LRMDA: variants seen among roughly 807,000 people sequenced by gnomAD.
LRMDA encodes leucine-rich melanocyte differentiation-associated protein.
LRMDA carries 18 observed loss-of-function variants against 29.8 expected under a neutral mutation model. The ratio of observed to expected loss-of-function variants is 0.60; its 90% CI spans 0.42 to 0.90. LRMDA has a LOEUF of 0.90. Ranked by LOEUF, LRMDA falls within the 40% of genes least tolerant of loss-of-function variation. The pLI, the probability that LRMDA is intolerant of heterozygous loss-of-function variation, is 0.00. For synonymous variants in LRMDA, 125 were observed against 109.4 expected, an observed-to-expected ratio of 1.14 and a Z score of -0.89; for missense variants, 273 against 273.9, an observed-to-expected ratio of 1.00 and a Z score of 0.02.
chr10:76,455,437 C>T (rs1003625780), intron 6 of LRMDA, among the ~76,000 whole-genome samples: 6 of 152,242 alleles, frequency 3.9e-5, no homozygotes, highest in South Asian at 2.1e-4. Context: ...CGATGCTAAT[C>T]CCTGATGGGA....
intron 5 of LRMDA, among the ~76,000 whole-genome samples, chr10:76,169,164 C>A (rs1429889738): frequency 2.0e-5 from 3 of 152,166 alleles, no homozygotes; most frequent in African/African-American, 7.2e-5. Context: ...GCAGGCACAG[C>A]AATTAGATTG....
At chr10:76,546,087 C>G (rs1464940452) in intron 6 of LRMDA, among the ~76,000 whole-genome samples, 1 of 152,190 alleles carries the variant, frequency 6.6e-6, no homozygotes, top group East Asian at 1.9e-4. Flanking sequence ...CCATACATTT[C>G]TACCTATAAC....
intron 5 of LRMDA, among the ~76,000 whole-genome samples, chr10:76,233,515 C>T (rs11816899): frequency 0.013 from 2,046 of 152,230 alleles, 49 homozygotes; most frequent in African/African-American, 0.047. Flanking sequence ...GATTGACTCA[C>T]GAAAGATTTC....
intron 2 of LRMDA, among the ~76,000 whole-genome samples, chr10:75,860,023 T>G (rs1025463538): frequency 3.3e-5 from 5 of 152,236 alleles, no homozygotes; most frequent in African/African-American, 1.2e-4. Flanking sequence ...TTTGAAATAC[T>G]GTTTTTGTTA....
At chr10:75,661,223 C>T (rs1336672462) in intron 2 of LRMDA, among the ~76,000 whole-genome samples, 2 of 152,166 alleles carry the variant, frequency 1.3e-5, no homozygotes, top group Non-Finnish European at 2.9e-5. Context: ...CTTTACTCTG[C>T]TGAAACCCAG....
chr10:76,447,661 G>A (rs1433976094), intron 6 of LRMDA, among the ~76,000 whole-genome samples: 1 of 152,108 alleles, frequency 6.6e-6, no homozygotes, highest in Non-Finnish European at 1.5e-5. Context: ...GACTTGCTCT[G>A]TTCATTCCTG....
At chr10:75,896,925 AT>A in intron 2 of LRMDA, among the ~76,000 whole-genome samples, 1 of 151,154 alleles carries the variant, frequency 6.6e-6, no homozygotes, top group Non-Finnish European at 1.5e-5. Flanking sequence ...GCTTTGTTTC[AT>A]TTTTTTGGTT....
chr10:75,926,918 C>G (rs1212935348), intron 2 of LRMDA, among the ~76,000 whole-genome samples: 1 of 152,200 alleles, frequency 6.6e-6, no homozygotes, highest in Non-Finnish European at 1.5e-5. Flanking sequence ...AAGGCGCACA[C>G]TTGTCACGGA....
intron 2 of LRMDA, among the ~76,000 whole-genome samples, chr10:75,836,389 T>C (rs1844437182): frequency 6.6e-6 from 1 of 152,220 alleles, no homozygotes; most frequent in African/African-American, 2.4e-5. Flanking sequence ...ATTTAAGCAC[T>C]GAGTCTAGGA....
chr10:76,403,950 T>A (rs1841875985), intron 6 of LRMDA, among the ~76,000 whole-genome samples: 1 of 152,128 alleles, frequency 6.6e-6, no homozygotes, highest in South Asian at 2.1e-4. Flanking sequence ...GTGCCCGCTC[T>A]CCACTAGTGA....
chr10:75,502,729 T>C (rs61859953), intron 2 of LRMDA, among the ~76,000 whole-genome samples: 25,779 of 152,154 alleles, frequency 0.17, 2,936 homozygotes, highest in Non-Finnish European at 0.26. Flanking sequence ...CACACTTCTT[T>C]CTCTTTATTT....
chr10:76,313,678 A>C (rs74148420), intron 5 of LRMDA, among the ~76,000 whole-genome samples: 1 of 152,378 alleles, frequency 6.6e-6, no homozygotes, highest in African/African-American at 2.4e-5. Context: ...TCTCTGGGAA[A>C]AAAAGTGTGT....
At chr10:75,563,223 T>G (rs1840323078) in intron 2 of LRMDA, among the ~76,000 whole-genome samples, 2 of 152,124 alleles carry the variant, frequency 1.3e-5, no homozygotes, top group African/African-American at 4.8e-5. Flanking sequence ...GAGGCTTTAT[T>G]CGTTTCTTTT....
At chr10:76,411,421 A>G (rs920470810) in intron 6 of LRMDA, among the ~76,000 whole-genome samples, 4 of 152,136 alleles carry the variant, frequency 2.6e-5, no homozygotes, top group African/African-American at 9.7e-5. Flanking sequence ...AATCCAACAT[A>G]ATTAGGATGA....
Position 76,559,471 on chromosome 10 carries a change from T to G in LRMDA, c.*2183T>G, listed in dbSNP as rs1172087437. 1 of 152,218 alleles carries G rather than the reference T, an allele frequency of 6.6e-6. No homozygotes were observed. Among genetic ancestry groups the G allele is most frequent in the Non-Finnish European group, 1.5e-5 (1 of 68,044 alleles). 9.4% of individuals were successfully genotyped at this position (152,218 alleles called of 1,614,324 possible). A position where few individuals can be genotyped will look rare whatever the true frequency, so the allele number is the denominator to read the frequency against. On this transcript the variant is annotated 3_prime_UTR_variant, in exon 7 of 7. Transcript: ENST00000611255. ...AAAGGCCATCACTAAGGTATATTCA[T>G]CTTATTGATAGAATTATAGTCAGCT...
At chr10:76,173,518 C>T (rs1461947775) in intron 5 of LRMDA, among the ~76,000 whole-genome samples, 2 of 152,078 alleles carry the variant, frequency 1.3e-5, no homozygotes, top group African/African-American at 4.8e-5. Context: ...GAGTAAATAT[C>T]AATGATGTTG....
At chr10:76,340,515 CAAAAAAAAAA>C (rs1174024731) in intron 6 of LRMDA, among the ~76,000 whole-genome samples, 33 of 75,760 alleles carry the variant, frequency 4.4e-4, no homozygotes, top group Non-Finnish European at 6.0e-4. Flanking sequence ...GAACCTGTAT[CAAAAAAAAAA>C]AAAAAAAAAA....
intron 2 of LRMDA, among the ~76,000 whole-genome samples, chr10:75,691,921 T>C (rs1019738560): frequency 2.0e-5 from 3 of 152,112 alleles, no homozygotes; most frequent in African/African-American, 7.2e-5. Flanking sequence ...ATTCGAAATA[T>C]GGCCAGGCAC....
intron 5 of LRMDA, among the ~76,000 whole-genome samples, chr10:76,226,624 T>A (rs755400981): frequency 5.9e-5 from 9 of 152,164 alleles, no homozygotes; most frequent in Non-Finnish European, 1.0e-4. Flanking sequence ...AAATCAGATC[T>A]TGTGATAAAT....
Sources: allele counts gnomAD v4.1 joint callset (sites outside exome capture counted in the v4.1 genomes callset), GRCh38; gene constraint gnomAD v4.1.1; transcripts MANE v1.5; gene names NCBI Gene and HGNC (gene_info 2026-07-23, HGNC 2026-07-21).